The following TYW1 variants were observed in gnomAD, a reference collection of about 807,000 sequenced individuals.
TYW1 encodes tRNA-yW synthesizing protein 1 homolog.
TYW1 carries 46 observed loss-of-function variants against 96.2 expected under a neutral mutation model. The observed-to-expected ratio is 0.48, with a 90% CI of 0.38 to 0.61. The LOEUF is 0.61. Among genes scored for constraint, TYW1 ranks in the 20% least tolerant of loss-of-function variants. The pLI is 0.00. For missense variants in TYW1, 684 were observed against 909.6 expected (o/e 0.75, Z 3.19); for synonymous variants, 274 against 323.0 (o/e 0.85, Z 1.63).
intron 9 of TYW1, among the ~76,000 whole-genome samples, chr7:67,059,096 GT>G (rs557933957): frequency 0.11 from 13,124 of 124,558 alleles, 417 homozygotes; most frequent in East Asian, 0.2. Context: ...TGAAGACAAA[GT>G]TTTTTTTTTT....
intron 15 of TYW1, among the ~76,000 whole-genome samples, chr7:67,203,161 C>G (rs1215614304): frequency 6.6e-6 from 1 of 152,212 alleles, no homozygotes; most frequent in Non-Finnish European, 1.5e-5. Context: ...CCTCTGGCGA[C>G]CGCTAATCTC....
intron 10 of TYW1, among the ~76,000 whole-genome samples, chr7:67,068,090 T>C (rs13222968): frequency 0.24 from 36,622 of 151,156 alleles, 4,702 homozygotes; most frequent in African/African-American, 0.32. Context: ...GGCGTCATCT[T>C]GGCTCACTGC....
intron 11 of TYW1, among the ~76,000 whole-genome samples, chr7:67,096,003 C>T (rs550627150): frequency 1.6e-4 from 24 of 152,278 alleles, no homozygotes; most frequent in South Asian, 1.2e-3. Flanking sequence ...CCAGACACTC[C>T]GCTAAGGCCT....
intron 13 of TYW1, among the ~76,000 whole-genome samples, chr7:67,126,905 A>G (rs1331817605): frequency 6.6e-6 from 1 of 151,928 alleles, no homozygotes; most frequent in Non-Finnish European, 1.5e-5. Context: ...TGTATTTGTT[A>G]ATGTTTTCTA....
At chr7:67,120,653 G>T (rs2115996607) in intron 13 of TYW1, among the ~76,000 whole-genome samples, 1 of 152,366 alleles carries the variant, frequency 6.6e-6, no homozygotes, top group East Asian at 1.9e-4. Context: ...AGCTGGCAAA[G>T]TCAGGCCCAT....
chr7:67,221,336 G>A (rs1801386043), intron 15 of TYW1, among the ~76,000 whole-genome samples: 1 of 152,138 alleles, frequency 6.6e-6, no homozygotes, highest in Non-Finnish European at 1.5e-5. Context: ...CTCTTTGCAT[G>A]GAATACCTTT....
chr7:67,100,012 A>T (rs1342025253), intron 12 of TYW1, among the ~76,000 whole-genome samples: 2 of 152,146 alleles, frequency 1.3e-5, no homozygotes, highest in African/African-American at 4.8e-5. Context: ...CAAAAAAAAA[A>T]AGATGCTATT....
intron 13 of TYW1, among the ~76,000 whole-genome samples, chr7:67,134,517 A>G (rs11763486): frequency 0.28 from 41,826 of 151,280 alleles, 6,619 homozygotes; most frequent in African/African-American, 0.44. Context: ...ACTCCAGGCT[A>G]GGTGATAGAG....
At chr7:67,012,752 G>C (rs949104261) in intron 4 of TYW1, among the ~76,000 whole-genome samples, 20 of 152,168 alleles carry the variant, frequency 1.3e-4, no homozygotes, top group Non-Finnish European at 2.2e-4. Context: ...GCAGTCAAAA[G>C]TTTGTTTCAT....
intron 12 of TYW1, among the ~76,000 whole-genome samples, chr7:67,099,754 G>A (rs1797030422): frequency 6.6e-6 from 1 of 152,230 alleles, no homozygotes; most frequent in South Asian, 2.1e-4. Flanking sequence ...TGTCATCCCA[G>A]CACTTTGGGA....
chr7:67,032,946 G>T (rs796843346), intron 7 of TYW1, among the ~76,000 whole-genome samples: 8 of 126,942 alleles, frequency 6.3e-5, no homozygotes, highest in African/African-American at 2.5e-4. Context: ...ATCCAGGCTG[G>T]GGTGCAGTGG....
chr7:67,117,660 G>C, intron 13 of TYW1, 42 bp downstream of exon 13: 1 of 1,552,688 alleles, frequency 6.4e-7, no homozygotes, highest in Non-Finnish European at 8.7e-7. Context: ...ACAACCCTCA[G>C]GTGTGTACTG....
At chr7:67,224,710 G>A (rs1487849446) in intron 15 of TYW1, among the ~76,000 whole-genome samples, 1 of 152,158 alleles carries the variant, frequency 6.6e-6, no homozygotes, top group African/African-American at 2.4e-5. Context: ...TCATCACCAC[G>A]AAGAAAATGT....
At chr7:67,038,969 A>C (rs1479915375) in intron 7 of TYW1, among the ~76,000 whole-genome samples, 1 of 152,206 alleles carries the variant, frequency 6.6e-6, no homozygotes, top group East Asian at 1.9e-4. Context: ...TTTGGCTTTG[A>C]AGATTTGGGA....
chr7:67,076,739 G>A (rs1205582899), intron 10 of TYW1, among the ~76,000 whole-genome samples: 1 of 149,784 alleles, frequency 6.7e-6, no homozygotes, highest in Non-Finnish European at 1.5e-5. Context: ...GCCTTCCAAA[G>A]TGCTGGGATT....
intron 13 of TYW1, among the ~76,000 whole-genome samples, chr7:67,155,847 A>G (rs964744842): frequency 6.6e-6 from 1 of 150,646 alleles, no homozygotes; most frequent in Non-Finnish European, 1.5e-5. Context: ...ACTTCTTCCA[A>G]TTTTATGGAT....
intron 7 of TYW1, among the ~76,000 whole-genome samples, chr7:67,039,629 C>T (rs73134223): frequency 2.0e-5 from 3 of 151,670 alleles, no homozygotes; most frequent in Admixed American, 6.6e-5. Flanking sequence ...TTGAAAAGCC[C>T]GACAGACATT....
chr7:67,203,135 T>C (rs1800655725), intron 15 of TYW1, among the ~76,000 whole-genome samples: 2 of 152,272 alleles, frequency 1.3e-5, no homozygotes, highest in African/African-American at 4.8e-5. Flanking sequence ...TGTAGTCCGA[T>C]ACCAACTATC....
chr7:67,145,799 G>A (rs1346492688), intron 13 of TYW1, among the ~76,000 whole-genome samples: 19 of 152,122 alleles, frequency 1.2e-4, no homozygotes, highest in African/African-American at 4.1e-4. Flanking sequence ...CTGTTGCCCA[G>A]GCTGGAGCAC....
Sources: allele counts gnomAD v4.1 joint callset (sites outside exome capture counted in the v4.1 genomes callset), GRCh38; gene constraint gnomAD v4.1.1; transcripts MANE v1.5; gene names NCBI Gene and HGNC (gene_info 2026-07-23, HGNC 2026-07-21).